CHD1L: variants seen among roughly 807,000 people sequenced by gnomAD.
CHD1L encodes ATP-dependent chromatin remodeler CHD1L.
In CHD1L, 118 loss-of-function variants were observed where a neutral mutation model predicts 115.9. That is an observed-to-expected ratio of 1.02 (90% CI 0.88 to 1.19). CHD1L has a LOEUF of 1.19. Among genes scored for constraint, CHD1L ranks in the 50% most tolerant of loss-of-function variants. The pLI is 0.00. For synonymous variants in CHD1L, 411 were observed against 387.1 expected, an observed-to-expected ratio of 1.06 and a Z score of -0.72; for missense variants, 1,179 against 1,065.3, an observed-to-expected ratio of 1.11 and a Z score of -1.49.
intron 7 of CHD1L, 132 bp downstream of exon 7, chr1:147,264,716 T>TA: frequency 3.6e-6 from 3 of 834,696 alleles, no homozygotes; most frequent in Non-Finnish European, 5.6e-6. Flanking sequence ...AGACCGCTGA[T>TA]ATTAGGGAGA....
At chr1:147,258,413 G>A (rs587644945) in intron 5 of CHD1L, among the ~76,000 whole-genome samples, 22 of 152,098 alleles carry the variant, frequency 1.4e-4, no homozygotes, top group African/African-American at 4.8e-4. Context: ...AAGGGAATAG[G>A]ACCTAATCTG....
chr1:147,198,143 G>A, the CHD1L span, among the ~76,000 whole-genome samples: 8 of 152,258 alleles, frequency 5.3e-5, no homozygotes, highest in African/African-American at 1.9e-4. Flanking sequence ...TCCAGTTCAG[G>A]CTTTTAACAT....
chr1:147,289,500 G>A (rs1184522976), intron 19 of CHD1L, among the ~76,000 whole-genome samples: 2 of 152,182 alleles, frequency 1.3e-5, no homozygotes, highest in African/African-American at 4.8e-5. Flanking sequence ...ACTTTGAGGA[G>A]AGTGGGAAGC....
At chr1:147,172,805 C>T in the CHD1L span, 1 of 152,332 alleles carries the variant, frequency 6.6e-6, no homozygotes, top group Non-Finnish European at 1.5e-5. Context: ...CCAAATGACA[C>T]TCGGAGGCCG....
the CHD1L span, among the ~76,000 whole-genome samples, chr1:147,199,314 A>T: frequency 6.6e-6 from 1 of 152,210 alleles, no homozygotes; most frequent in Non-Finnish European, 1.5e-5. Flanking sequence ...AAAGGCAAGA[A>T]TGTGGGAGGC....
intron 1 of CHD1L, 49 bp downstream of exon 1, chr1:147,242,879 A>T (rs781934466): frequency 8.8e-6 from 11 of 1,252,348 alleles, no homozygotes; most frequent in Non-Finnish European, 1.1e-5. Context: ...ACCTATTGGG[A>T]CTGCCTCTTG....
intron 22 of CHD1L, 74 bp from the exon 23 acceptor site, chr1:147,295,354 AATT>A (rs1687146807): frequency 1.1e-6 from 1 of 921,362 alleles, no homozygotes; most frequent in African/African-American, 1.6e-5. Context: ...TTATTTCAAT[AATT>A]ACTAGAGAAC....
At chr1:147,252,868 T>C in intron 2 of CHD1L, 133 bp downstream of exon 2, 2 of 702,172 alleles carry the variant, frequency 2.8e-6, no homozygotes, top group Middle Eastern at 4.0e-4. Context: ...GCTAACTGGC[T>C]CTTGCACCGG....
At chr1:147,232,255 A>G in the CHD1L span, among the ~76,000 whole-genome samples, 2 of 152,204 alleles carry the variant, frequency 1.3e-5, no homozygotes, top group African/African-American at 4.8e-5. Context: ...TAATAAGTCA[A>G]TCCTGACTAG....
At chr1:147,184,778 C>T in the CHD1L span, 1 of 1,086,478 alleles carries the variant, frequency 9.2e-7, no homozygotes, top group Non-Finnish European at 1.2e-6. The surrounding 1 kb of genome is among the most constrained non-coding windows in gnomAD (Gnocchi z 4.4). Context: ...TCAGATTTCT[C>T]CACTACAAAG....
intron 19 of CHD1L, among the ~76,000 whole-genome samples, chr1:147,288,334 A>AG (rs1559892736): frequency 0.013 from 16 of 1,270 alleles, no homozygotes; most frequent in Non-Finnish European, 0.058. Context: ...ATAAAAAAAA[A>AG]AAAAAAAAAA....
chr1:147,232,349 CA>C, the CHD1L span, among the ~76,000 whole-genome samples: 2 of 152,316 alleles, frequency 1.3e-5, no homozygotes, highest in East Asian at 3.9e-4. Flanking sequence ...GCATGTCTGA[CA>C]TAATGTCCTC....
At chr1:147,218,181 A>G in the CHD1L span, among the ~76,000 whole-genome samples, 1 of 152,308 alleles carries the variant, frequency 6.6e-6, no homozygotes, top group East Asian at 1.9e-4. Context: ...AATTAGTAAC[A>G]ATGTTAAATG....
At chr1:147,276,642 T>A (rs1553958160) in intron 14 of CHD1L, among the ~76,000 whole-genome samples, 1 of 152,160 alleles carries the variant, frequency 6.6e-6, no homozygotes, top group African/African-American at 2.4e-5. Flanking sequence ...TTACATTACT[T>A]CATACTCAGA....
the CHD1L span, among the ~76,000 whole-genome samples, chr1:147,230,719 C>T: frequency 5.0e-3 from 749 of 148,972 alleles, 7 homozygotes; most frequent in African/African-American, 0.018. Context: ...GATTCAACTT[C>T]TTCCCGGTTT....
chr1:147,251,765 A>G (rs1214273972), intron 1 of CHD1L, among the ~76,000 whole-genome samples: 1 of 152,132 alleles, frequency 6.6e-6, no homozygotes, highest in Admixed American at 6.5e-5. Flanking sequence ...TTCTGACCTC[A>G]GGTGATCTGC....
At chr1:147,179,975 G>A in the CHD1L span, among the ~76,000 whole-genome samples, 2 of 151,314 alleles carry the variant, frequency 1.3e-5, no homozygotes, top group African/African-American at 2.4e-5. Flanking sequence ...ATAGGAATGC[G>A]GTCCATGGTT....
Position 147,268,819 on chromosome 1 carries a change from G to A in CHD1L, c.1026G>A (p.Leu342=), listed in dbSNP as rs782524388. The A allele has an allele frequency of 6.2e-7, 1 of 1,613,648 alleles. No individual in the cohort carries two copies. The highest frequency in any genetic ancestry group is 1.1e-5 in the South Asian group (1 of 91,008). ...EPEPFEVGDH[L]TEASGKLHLL... is the part of the protein sequence containing the mutation. ...AGCCTTTTGAAGTTGGAGACCACCT[G>A]ACTGAGGCTAGTGGGAAGCTTCACC... Residue 342 remains leucine, a synonymous_variant, in exon 10 of 23, where the codon CTG becomes CTA. Transcript: ENST00000369258.
the CHD1L span, among the ~76,000 whole-genome samples, chr1:147,233,439 G>A: frequency 4.2e-4 from 48 of 115,448 alleles, no homozygotes; most frequent in Non-Finnish European, 6.1e-4. Flanking sequence ...CAGCCCCCCC[G>A]CCCGGCCAGC....
Sources: gnomAD v4.1 joint callset for allele counts (sites outside exome capture counted in the v4.1 genomes callset) on GRCh38, gnomAD v4.1.1 for gene constraint, Gnocchi (gnomAD v3.1) non-coding constraint, MANE v1.5 for transcripts, NCBI Gene and HGNC (gene_info 2026-07-23, HGNC 2026-07-21) for gene names.